Variants in IMPA2 observed in about 807,000 individuals in gnomAD.
The protein encoded by IMPA2 is inositol monophosphatase 2.
IMPA2 carries 32 observed loss-of-function variants against 35.1 expected under a neutral mutation model. The observed-to-expected ratio is 0.91, with a 90% CI of 0.69 to 1.23. IMPA2 has a LOEUF of 1.23. IMPA2 is among the 50% of genes most tolerant of loss of function. The probability of loss-of-function intolerance (pLI) is 0.00; values close to 1 mark genes in which losing one functional copy is unlikely to be tolerated. For synonymous variants in IMPA2, 135 were observed against 160.6 expected (o/e 0.84, Z 1.20); for missense variants, 334 against 387.6 (o/e 0.86, Z 1.16).
intron 1 of IMPA2, among the ~76,000 whole-genome samples, chr18:11,983,620 C>T (rs1000659838): frequency 6.6e-6 from 1 of 152,000 alleles, no homozygotes; most frequent in Non-Finnish European, 1.5e-5. Flanking sequence ...TTGCCAGCAA[C>T]AAAAAAAGCT....
At chr18:12,023,552 T>A (rs1907794295) in intron 5 of IMPA2, among the ~76,000 whole-genome samples, 1 of 152,218 alleles carries the variant, frequency 6.6e-6, no homozygotes, top group Admixed American at 6.5e-5. Flanking sequence ...CTGTCTAGGC[T>A]GGCACTGGCG....
intron 1 of IMPA2, among the ~76,000 whole-genome samples, chr18:11,992,211 C>T (rs918135735): frequency 6.6e-6 from 1 of 152,244 alleles, no homozygotes; most frequent in Non-Finnish European, 1.5e-5. Context: ...AATTAACCAT[C>T]ACAACACATT....
rs1239454978 is a variant in IMPA2 at position 11,991,905 on chromosome 18, G to A, written c.97-7149G>A. On this transcript the variant is annotated intron_variant, in intron 1 of 7. Coordinates refer to ENST00000269159, the MANE Select transcript of IMPA2 (RefSeq NM_014214.3). The surrounding 1 kb of genome is among the most constrained non-coding windows in gnomAD (Gnocchi z 4.1). ...GTCTCCCAGGATGGAGTGCAGTGGCGTAATCTTGGCTCACCGCAACCTCCA... is the reference window on the plus strand; with the variant it reads ...GTCTCCCAGGATGGAGTGCAGTGGCATAATCTTGGCTCACCGCAACCTCCA... 1.3e-5 allele frequency among the ~76,000 whole-genome samples: 2 copies of A among 151,846 alleles called. No homozygotes were observed. Among genetic ancestry groups the A allele is most frequent in the East Asian group, 3.9e-4 (2 of 5,164 alleles).
chr18:12,011,596 G>A (rs1170855390), intron 3 of IMPA2, among the ~76,000 whole-genome samples: 5 of 152,236 alleles, frequency 3.3e-5, no homozygotes, highest in Non-Finnish European at 7.3e-5. Context: ...CCCTATAAAG[G>A]AAGGATTATT....
chr18:12,019,406 C>G (rs1907667718), intron 5 of IMPA2, among the ~76,000 whole-genome samples: 1 of 151,798 alleles, frequency 6.6e-6, no homozygotes, highest in Non-Finnish European at 1.5e-5. Flanking sequence ...AGGCACGCAC[C>G]CCATGTCCGG....
intron 2 of IMPA2, among the ~76,000 whole-genome samples, chr18:12,004,697 A>G (rs626097): frequency 0.42 from 64,450 of 151,824 alleles, 15,987 homozygotes; most frequent in African/African-American, 0.67. Context: ...GGTAATTTTC[A>G]TATTTTTAGT....
chr18:12,007,288 A>T lies in IMPA2; in HGVS notation c.231-2595A>T, dbSNP rs1907277027. The stretch of plus-strand genomic sequence containing the variant: ...CCGCTCACCCACGTGACTGCCAAGC[A>T]CTTGAAAGGTGGCTCATGAGACTGA... On this transcript the variant is annotated intron_variant, in intron 2 of 7. Coordinates refer to ENST00000269159, the MANE Select transcript of IMPA2 (RefSeq NM_014214.3). Among the ~76,000 whole-genome samples the T allele has an allele frequency of 2.0e-5, 3 of 152,174 alleles. No individual in the cohort carries two copies. In the South Asian group the frequency reaches 6.2e-4, roughly 32 times the overall value.
chr18:12,015,172 G>A (rs1313707318), intron 5 of IMPA2, among the ~76,000 whole-genome samples: 2 of 152,148 alleles, frequency 1.3e-5, no homozygotes, highest in Non-Finnish European at 2.9e-5. Context: ...TTGAAAAGGC[G>A]GAAGTGCACT....
rs1361329630 is a variant in IMPA2 at position 12,030,519 on chromosome 18, G to T, written c.*61G>T. The stretch of plus-strand genomic sequence containing the variant: ...TGGGCTGCTGTGGGCTCCTGGGGAG[G>T]TGGCCCTCGTGGCCCACGCTCCATG... On this transcript the variant is annotated 3_prime_UTR_variant, in exon 8 of 8. Coordinates refer to ENST00000269159, the MANE Select transcript of IMPA2 (RefSeq NM_014214.3). 1 of 1,294,924 alleles carries T rather than the reference G, an allele frequency of 7.7e-7. No homozygotes were observed. Among genetic ancestry groups the T allele is most frequent in the East Asian group, 2.3e-5 (1 of 43,280 alleles). 80.2% of individuals were successfully genotyped at this position (1,294,924 alleles called of 1,614,324 possible).
At chr18:12,016,196 T>C (rs949882724) in intron 5 of IMPA2, among the ~76,000 whole-genome samples, 8 of 152,334 alleles carry the variant, frequency 5.3e-5, no homozygotes, top group Non-Finnish European at 1.5e-5. Context: ...ACAGTACCTG[T>C]CTCACAATGC....
chr18:11,990,429 G>A (rs534830405), intron 1 of IMPA2, among the ~76,000 whole-genome samples: 19 of 152,214 alleles, frequency 1.2e-4, no homozygotes, highest in Admixed American at 3.3e-4. Flanking sequence ...GAGGGGTCGG[G>A]GCCAATAGAG....
chr18:12,028,085 G>A lies in IMPA2; in HGVS notation c.533G>A (p.Arg178His), dbSNP rs754589142. ...ALVLTEIGPK[R>H]DPATLKLFLS... ...GTTCTGACAGAAATTGGCCCCAAAC[G>A]TGACCCTGCGACCCTGAAGCTGTTC... Residue 178 changes from arginine to histidine, a missense_variant, in exon 6 of 8, where the codon CGT becomes CAT. Coordinates refer to ENST00000269159, the MANE Select transcript of IMPA2 (RefSeq NM_014214.3). 5.6e-6 allele frequency: 9 copies of A among 1,614,066 alleles called. No individual in the cohort carries two copies. In the Middle Eastern group the frequency reaches 4.9e-4, roughly 89 times the overall value.
intron 7 of IMPA2, among the ~76,000 whole-genome samples, chr18:12,029,917 G>A (rs1907999446): frequency 6.6e-6 from 1 of 152,226 alleles, no homozygotes; most frequent in Admixed American, 6.5e-5. Flanking sequence ...CCAGGAGCTT[G>A]TGGGCAGGTA....
Position 12,010,256 on chromosome 18 carries a change from A to C in IMPA2, c.335+269A>C. On this transcript the variant is annotated intron_variant, in intron 3 of 7. Coordinates refer to ENST00000269159, the MANE Select transcript of IMPA2 (RefSeq NM_014214.3). The surrounding 1 kb of genome is among the most constrained non-coding windows in gnomAD (Gnocchi z 4.8). Reference sequence around the variant, plus strand: ...AAATGTTGGGTTGCATTTAACAAGGACCCCTTGAAGGAGTCTGACTCCCCT... The same window carrying C: ...AAATGTTGGGTTGCATTTAACAAGGCCCCCTTGAAGGAGTCTGACTCCCCT... The C allele has an allele frequency of 2.7e-6, 1 of 375,370 alleles. No homozygotes were observed. Among genetic ancestry groups the C allele is most frequent in the East Asian group, 5.5e-5 (1 of 18,228 alleles). The allele number at this position is 375,370 out of a possible 1,614,324, so 23.3% of individuals were successfully genotyped here.
rs533360630 is a variant in IMPA2, at chr18:11,985,071, G to C, written c.96+3306G>C. On this transcript the variant is annotated intron_variant, in intron 1 of 7. Transcript: ENST00000269159. The stretch of plus-strand genomic sequence containing the variant: ...AGGCAGGAGAATCCCTAGAACCTGG[G>C]ATGTGGAGGATGCAGTGGTGAGCCT... Among the ~76,000 whole-genome samples, 113 of 149,716 alleles carry C rather than the reference G, an allele frequency of 7.5e-4. 1 individual carries two copies. Among genetic ancestry groups the C allele is most frequent in the Middle Eastern group, 3.4e-3 (1 of 292 alleles).
chr18:12,009,547 G>A (rs1907374243), intron 2 of IMPA2, among the ~76,000 whole-genome samples: 1 of 152,166 alleles, frequency 6.6e-6, no homozygotes, highest in South Asian at 2.1e-4. Context: ...ACAGACTGAA[G>A]TTAAAATCGA....
rs1481145023 is a variant in IMPA2 at position 11,991,229 on chromosome 18, G to A, written c.97-7825G>A. Among the ~76,000 whole-genome samples the A allele has an allele frequency of 6.6e-6, 1 of 152,210 alleles. No individual in the cohort carries two copies. Among genetic ancestry groups the A allele is most frequent in the Non-Finnish European group, 1.5e-5 (1 of 68,038 alleles). On this transcript the variant is annotated intron_variant, in intron 1 of 7. Coordinates refer to ENST00000269159, the MANE Select transcript of IMPA2 (RefSeq NM_014214.3). This position sits in a 1 kb window ranked among gnomAD's most constrained non-coding sequence, Gnocchi z 4.1. ...TGCAGCTGGGATGTGGGTGACGGGTGGCTGCTGGCATTGGTATGGAAGGTG... is the reference window on the plus strand; with the variant it reads ...TGCAGCTGGGATGTGGGTGACGGGTAGCTGCTGGCATTGGTATGGAAGGTG...
At chr18:11,990,769 TG>T (rs1160083657) in intron 1 of IMPA2, among the ~76,000 whole-genome samples, 15 of 152,146 alleles carry the variant, frequency 9.9e-5, no homozygotes, top group African/African-American at 3.6e-4. Flanking sequence ...GCTCCAGCCG[TG>T]GGGTCGGCTC....
At chr18:12,007,621 T>TC (rs1598695277) in intron 2 of IMPA2, among the ~76,000 whole-genome samples, 73 of 97,034 alleles carry the variant, frequency 7.5e-4, no homozygotes, top group East Asian at 2.6e-3. Context: ...TTTCTTTCTT[T>TC]TTCTTTCTTC....
Sources: gnomAD v4.1 joint callset for allele counts (sites outside exome capture counted in the v4.1 genomes callset) on GRCh38, gnomAD v4.1.1 for gene constraint, Gnocchi (gnomAD v3.1) non-coding constraint, MANE v1.5 for transcripts, NCBI Gene and HGNC (gene_info 2026-07-23, HGNC 2026-07-21) for gene names.